MIIP: variants seen among roughly 807,000 people sequenced by gnomAD.
The protein encoded by MIIP is migration and invasion inhibitory protein.
In MIIP, 44 loss-of-function variants were observed where a neutral mutation model predicts 44.8. That is an observed-to-expected ratio of 0.98 (90% CI 0.77 to 1.26). MIIP has a LOEUF of 1.26. MIIP is among the 50% of genes most tolerant of loss of function. The pLI, the probability that MIIP is intolerant of heterozygous loss-of-function variation, is 0.00. For missense variants in MIIP, 496 were observed against 511.7 expected (o/e 0.97, Z 0.30); for synonymous variants, 225 against 218.3 (o/e 1.03, Z -0.27).
intron 4 of MIIP, among the ~76,000 whole-genome samples, chr1:12,024,937 TA>T (rs1481089301): frequency 2.0e-5 from 3 of 152,166 alleles, no homozygotes; most frequent in Non-Finnish European, 4.4e-5. Flanking sequence ...AGTGAAATCA[TA>T]TAGCCTTTGT....
At position 12,022,092 on chromosome 1, in the gene MIIP, C is replaced by T. The variant is rs1448346210; in HGVS notation, c.115-3C>T. On this transcript the variant is annotated splice_polypyrimidine_tract_variant and splice_region_variant and intron_variant, in intron 2 of 9. Coordinates refer to ENST00000235332, the MANE Select transcript of MIIP (RefSeq NM_021933.4). ...CCCTGGGTGACCCGGCCCCTCTCTCCAGTCAAGCCTGGAATCCAGCAGCAG... is the reference window on the plus strand; with the variant it reads ...CCCTGGGTGACCCGGCCCCTCTCTCTAGTCAAGCCTGGAATCCAGCAGCAG... 6.2e-7 allele frequency: 1 copy of T among 1,612,560 alleles called. No individual in the cohort carries two copies. The highest frequency in any genetic ancestry group is 8.5e-7 in the Non-Finnish European group (1 of 1,179,266).
At chr1:12,030,821 G>T (rs1430591254) in intron 8 of MIIP, among the ~76,000 whole-genome samples, 1 of 151,966 alleles carries the variant, frequency 6.6e-6, no homozygotes, top group Admixed American at 6.6e-5. Context: ...TCGGGATGGG[G>T]TGCCAGTGGC....
intron 4 of MIIP, among the ~76,000 whole-genome samples, chr1:12,023,214 C>T (rs1369772739): frequency 1.3e-5 from 2 of 151,190 alleles, no homozygotes; most frequent in African/African-American, 4.9e-5. Flanking sequence ...CAGGCGAGCA[C>T]CACCACGCCC....
rs117146839 is a variant in MIIP, at chr1:12,029,889, C to G, written c.840C>G (p.His280Gln). The part of the protein sequence containing the change: ...QGPGTLAQPA[H>Q]VRVSIPLSIL... Reference sequence around the variant, plus strand: ...CTGGGACCCTGGCGCAGCCAGCGCACGTCAGGTGAGTGACCAGAGTATTGG... The same window carrying G: ...CTGGGACCCTGGCGCAGCCAGCGCAGGTCAGGTGAGTGACCAGAGTATTGG... The change falls in exon 7 of 10, where the codon CAC (histidine) becomes CAG (glutamine). Residue 280 changes from histidine to glutamine, a missense_variant. Coordinates refer to ENST00000235332, the MANE Select transcript of MIIP (RefSeq NM_021933.4). 1.5e-3 allele frequency: 2,352 copies of G among 1,612,736 alleles called. 49 individuals carry two copies. In the East Asian group the frequency reaches 0.036, roughly 24 times the overall value.
chr1:12,021,786 G>A lies in MIIP; in HGVS notation c.60G>A (p.Gln20=). ...LRLLNLELLR[Q]LWVGQDAVRR... ...TGCTCAATCTGGAGCTCCTGAGGCA[G>A]CTGTGGGTGGGGCAGGATGCTGTGC... Residue 20 remains glutamine, a synonymous_variant, in exon 2 of 10, where the codon CAG becomes CAA. Coordinates refer to ENST00000235332, the MANE Select transcript of MIIP (RefSeq NM_021933.4). 6.8e-6 allele frequency: 11 copies of A among 1,612,984 alleles called. No homozygotes were observed. Among genetic ancestry groups the A allele is most frequent in the African/African-American group, 2.7e-5 (2 of 75,058 alleles).
At chr1:12,023,057 C>CTA in intron 4 of MIIP, 140 bp downstream of exon 4, 2 of 522,126 alleles carry the variant, frequency 3.8e-6, no homozygotes, top group Non-Finnish European at 6.6e-6. Context: ...GGGGAGCACC[C>CTA]TCTTTTTTTT....
rs1455355603 is a variant in MIIP, at chr1:12,029,977, C to T, written c.846-51C>T. 12 of 1,610,326 alleles carry T rather than the reference C, an allele frequency of 7.5e-6. No homozygotes were observed. In the East Asian group the frequency reaches 2.5e-4, roughly 33 times the overall value. On this transcript the variant is annotated intron_variant, in intron 7 of 9. Coordinates refer to ENST00000235332, the MANE Select transcript of MIIP (RefSeq NM_021933.4). Reference sequence around the variant, plus strand: ...AGAAAAGATGGGCCTGGGCGTGGGCCCCCAACCGCTGGGAGGCTCCTCAGG... The same window carrying T: ...AGAAAAGATGGGCCTGGGCGTGGGCTCCCAACCGCTGGGAGGCTCCTCAGG...
chr1:12,025,823 A>T (rs1225830390), intron 4 of MIIP, among the ~76,000 whole-genome samples: 1 of 152,058 alleles, frequency 6.6e-6, no homozygotes, highest in African/African-American at 2.4e-5. Flanking sequence ...TCAGCCTCCC[A>T]GGTAGCTGGG....
chr1:12,020,761 G>A (rs564647873), intron 1 of MIIP, among the ~76,000 whole-genome samples: 3 of 152,040 alleles, frequency 2.0e-5, no homozygotes, highest in East Asian at 3.9e-4. Flanking sequence ...TCGGCTCACC[G>A]CAACCTCTGC....
chr1:12,026,138 C>G (rs1407245886), intron 4 of MIIP, among the ~76,000 whole-genome samples: 3 of 152,024 alleles, frequency 2.0e-5, no homozygotes, highest in African/African-American at 7.2e-5. Context: ...AACTCTGTCT[C>G]TACTAAAAAT....
chr1:12,029,176 C>T, intron 5 of MIIP, 35 bp downstream of exon 5: 1 of 1,612,908 alleles, frequency 6.2e-7, no homozygotes. Context: ...GCGAGGGCGG[C>T]TGAGCGGCTC....
In MIIP at chr1:12,022,361, C is replaced by T; in HGVS notation, c.381C>T (p.Pro127=). The T allele has an allele frequency of 1.9e-6, 3 of 1,613,510 alleles. No individual in the cohort carries two copies. The highest frequency in any genetic ancestry group is 2.2e-5 in the East Asian group (1 of 44,856). ...CCTCAAGCCTGAGGGACCCAGAGCC[C>T]TCAGGGAGGCTGGGTGATCCAGGAC... ...LGTSSLRDPE[P]SGRLGDPGPQ... Residue 127 remains proline (P), a synonymous_variant, in exon 3 of 10, where the codon CCC becomes CCT. Transcript: ENST00000235332.
At chr1:12,025,061 T>C (rs12354115) in intron 4 of MIIP, among the ~76,000 whole-genome samples, 5,828 of 147,622 alleles carry the variant, frequency 0.039, 384 homozygotes, top group African/African-American at 0.14. Context: ...TTTGTTGTTG[T>C]TTTTTTTGTT....
chr1:12,028,261 C>G (rs926802059), intron 4 of MIIP, among the ~76,000 whole-genome samples: 7 of 152,068 alleles, frequency 4.6e-5, no homozygotes, highest in Non-Finnish European at 1.0e-4. Flanking sequence ...GGGGGCTGCC[C>G]CTACCTCTCC....
At chr1:12,031,113 G>T (rs1489565722) in intron 8 of MIIP, 153 bp from the exon 9 acceptor site, 9 of 884,992 alleles carry the variant, frequency 1.0e-5, no homozygotes, top group Non-Finnish European at 1.5e-5. Context: ...TAAGAAAGGG[G>T]AGAGCTGGGG....
At chr1:12,029,468 G>A in intron 6 of MIIP, 187 bp downstream of exon 6, 1 of 739,436 alleles carries the variant, frequency 1.4e-6, no homozygotes, top group South Asian at 1.9e-5. Flanking sequence ...AGTGAGCTAA[G>A]GCCTGGCCAC....
At chr1:12,021,485 G>A (rs532498805) in intron 1 of MIIP, among the ~76,000 whole-genome samples, 160 bp from the exon 2 acceptor site, 1 of 152,136 alleles carries the variant, frequency 6.6e-6, no homozygotes, top group African/African-American at 2.4e-5. Flanking sequence ...AACAACAATC[G>A]TATGAGGTAG....
chr1:12,030,556 C>CT (rs71568383), intron 8 of MIIP, among the ~76,000 whole-genome samples: 30,857 of 59,198 alleles, frequency 0.52, 10,211 homozygotes, highest in Non-Finnish European at 0.62. Context: ...GCTGCTGCTG[C>CT]TTTTTTTTTT....
chr1:12,029,846 C>T lies in MIIP; in HGVS notation c.797C>T (p.Pro266Leu), dbSNP rs35720158. 610 of 1,613,248 alleles carry T rather than the reference C, an allele frequency of 3.8e-4. 2 individuals carry two copies. In the African/African-American group the frequency reaches 7.0e-3, roughly 18 times the overall value. ...PGTPCRLCRT[P>L]RDQQGPGTLA... ...ACCCCCTGCCGCCTGTGCAGGACAC[C>T]GCGAGACCAGCAGGGCCCTGGGACC... The change falls in exon 7 of 10, where the codon CCG (proline) becomes CTG (leucine). Residue 266 changes from proline (P) to leucine (L), a missense_variant. By Grantham distance (98) the Pro-to-Leu change is moderately conservative. Transcript: ENST00000235332.
Sources: allele counts gnomAD v4.1 joint callset (sites outside exome capture counted in the v4.1 genomes callset), GRCh38; gene constraint gnomAD v4.1.1; transcripts MANE v1.5; gene names NCBI Gene and HGNC (gene_info 2026-07-23, HGNC 2026-07-21).